Variants in CNTN5 observed in about 807,000 individuals in gnomAD.
CNTN5 encodes contactin-5.
CNTN5 carries 77 observed loss-of-function variants against 129.1 expected under a neutral mutation model. That is an observed-to-expected ratio of 0.60 (90% confidence interval 0.50 to 0.72). The LOEUF (loss-of-function observed/expected upper bound fraction) is 0.72, where lower values mean the gene tolerates loss of function less well. CNTN5 is among the 30% of genes least tolerant of loss of function. CNTN5 has a pLI of 0.00. For synonymous variants in CNTN5, 509 were observed against 465.6 expected (o/e 1.09, Z -1.20); for missense variants, 1,478 against 1,328.8 (o/e 1.11, Z -1.75).
At chr11:99,339,025 G>A (rs1031376659) in intron 2 of CNTN5, among the ~76,000 whole-genome samples, 16 of 141,168 alleles carry the variant, frequency 1.1e-4, no homozygotes, top group Admixed American at 9.9e-4. Context: ...TAGAAATATA[G>A]CCATGAATCA....
intron 1 of CNTN5, among the ~76,000 whole-genome samples, chr11:99,127,611 A>C (rs1042737962): frequency 6.6e-5 from 10 of 152,118 alleles, no homozygotes. Context: ...GTTCTAGCGC[A>C]CTGCAATCCT....
At chr11:99,854,827 T>C (rs1223987324) in intron 6 of CNTN5, among the ~76,000 whole-genome samples, 4 of 151,942 alleles carry the variant, frequency 2.6e-5, no homozygotes, top group Admixed American at 1.3e-4. Context: ...CAATTTGTGC[T>C]AGGAAAAAAG....
chr11:99,876,783 CA>C (rs1377112211), intron 6 of CNTN5, among the ~76,000 whole-genome samples: 1 of 152,118 alleles, frequency 6.6e-6, no homozygotes, highest in African/African-American at 2.4e-5. Context: ...TAATGAGGCT[CA>C]GATATATTAA....
chr11:99,557,123 G>T (rs1415433418), intron 3 of CNTN5, among the ~76,000 whole-genome samples: 1 of 151,076 alleles, frequency 6.6e-6, no homozygotes, highest in Non-Finnish European at 1.5e-5. Context: ...TAGATTAAAA[G>T]ATTGCTTTCA....
At chr11:99,236,465 CA>C (rs1333167741) in intron 1 of CNTN5, among the ~76,000 whole-genome samples, 23 of 37,256 alleles carry the variant, frequency 6.2e-4, no homozygotes, top group African/African-American at 1.8e-3. Context: ...CACACTCACA[CA>C]CAAACACACA....
chr11:99,428,584 A>G (rs994870198), intron 2 of CNTN5, among the ~76,000 whole-genome samples: 1 of 151,522 alleles, frequency 6.6e-6, no homozygotes, highest in Admixed American at 6.6e-5. Context: ...AAAAGGAAAA[A>G]AAAGATGTTT....
At chr11:99,474,447 T>C (rs1945291403) in intron 2 of CNTN5, among the ~76,000 whole-genome samples, 1 of 152,118 alleles carries the variant, frequency 6.6e-6, no homozygotes. Context: ...GTTCACATAT[T>C]ATACCATTAA....
At chr11:99,850,482 A>C (rs1486057187) in intron 6 of CNTN5, among the ~76,000 whole-genome samples, 1 of 152,180 alleles carries the variant, frequency 6.6e-6, no homozygotes, top group Non-Finnish European at 1.5e-5. Flanking sequence ...TATAAAGCAA[A>C]TTAAATTGTT....
rs142833257 is a variant in CNTN5, at chr11:99,401,371, T to C, written c.-71+75887T>C. On this transcript the variant is annotated intron_variant, in intron 2 of 24. Transcript: ENST00000524871. ...CTAAGGTATGTTCTTGGTACCTTTGTCAGAAATGAATTCACTGTAGGTATG... is the reference window on the plus strand; with the variant it reads ...CTAAGGTATGTTCTTGGTACCTTTGCCAGAAATGAATTCACTGTAGGTATG... Among the ~76,000 whole-genome samples the C allele has an allele frequency of 4.3e-3, 654 of 152,296 alleles. 6 individuals carry two copies. The highest frequency in any genetic ancestry group is 7.2e-3 in the Non-Finnish European group (492 of 68,002).
At chr11:99,670,524 T>A (rs1402044334) in intron 3 of CNTN5, among the ~76,000 whole-genome samples, 1 of 152,134 alleles carries the variant, frequency 6.6e-6, no homozygotes, top group Non-Finnish European at 1.5e-5. Context: ...ATATACTTAC[T>A]CTGCATAAAA....
At chr11:100,304,982 T>C (rs989950035) in intron 20 of CNTN5, among the ~76,000 whole-genome samples, 4 of 151,422 alleles carry the variant, frequency 2.6e-5, no homozygotes, top group Non-Finnish European at 5.9e-5. Context: ...TGTTTACTTC[T>C]AATCTTATTC....
chr11:99,727,321 A>AAG (rs1943382122), intron 3 of CNTN5, among the ~76,000 whole-genome samples: 1 of 123,414 alleles, frequency 8.1e-6, no homozygotes, highest in Admixed American at 8.5e-5. Context: ...TCAAAAAAAA[A>AAG]AAAAAAAAAA....
chr11:100,083,772 A>G (rs1944450401), intron 13 of CNTN5, among the ~76,000 whole-genome samples: 1 of 152,150 alleles, frequency 6.6e-6, no homozygotes, highest in African/African-American at 2.4e-5. Flanking sequence ...GAAGATAAAC[A>G]CTTCAGGAAC....
At chr11:100,043,637 C>A (rs1942490770) in intron 9 of CNTN5, among the ~76,000 whole-genome samples, 2 of 152,132 alleles carry the variant, frequency 1.3e-5, no homozygotes, top group African/African-American at 4.8e-5. Flanking sequence ...TCATACTGTT[C>A]TGTGTGTTCA....
At chr11:100,258,355 A>G (rs114995024) in intron 17 of CNTN5, among the ~76,000 whole-genome samples, 88 of 152,298 alleles carry the variant, frequency 5.8e-4, no homozygotes, top group African/African-American at 2.0e-3. Flanking sequence ...CCAAGTTGTA[A>G]AACACTCTTA....
At chr11:99,388,389 T>C (rs1347501695) in intron 2 of CNTN5, among the ~76,000 whole-genome samples, 1 of 129,914 alleles carries the variant, frequency 7.7e-6, no homozygotes, top group Non-Finnish European at 1.6e-5. Context: ...CACTTCAGCC[T>C]GGGTGACAGA....
chr11:99,671,426 G>A (rs546956881), intron 3 of CNTN5, among the ~76,000 whole-genome samples: 1 of 152,200 alleles, frequency 6.6e-6, no homozygotes, highest in African/African-American at 2.4e-5. Flanking sequence ...ATGAATATAC[G>A]GTTGGGTAAA....
At chr11:99,188,392 G>A (rs1026564315) in intron 1 of CNTN5, among the ~76,000 whole-genome samples, 1 of 151,742 alleles carries the variant, frequency 6.6e-6, no homozygotes, top group Non-Finnish European at 1.5e-5. Context: ...ATCTGTGTAC[G>A]AGAATGTCCC....
intron 9 of CNTN5, among the ~76,000 whole-genome samples, chr11:100,027,853 T>C (rs558035568): frequency 2.0e-4 from 31 of 152,342 alleles, no homozygotes; most frequent in Non-Finnish European, 1.5e-5. Flanking sequence ...ATTACTGTCC[T>C]TTATATGCTG....
Sources: gnomAD v4.1 joint callset for allele counts (sites outside exome capture counted in the v4.1 genomes callset) on GRCh38, gnomAD v4.1.1 for gene constraint, MANE v1.5 for transcripts, NCBI Gene and HGNC (gene_info 2026-07-23, HGNC 2026-07-21) for gene names.